The following OTOP1 variants were observed in gnomAD, a reference collection of about 807,000 sequenced individuals.
OTOP1 encodes otopetrin 1.
OTOP1 carries 59 observed loss-of-function variants against 52.9 expected under a neutral mutation model. The observed-to-expected ratio is 1.12, with a 90% CI of 0.91 to 1.39. The LOEUF (loss-of-function observed/expected upper bound fraction) is 1.39, where lower values mean the gene tolerates loss of function less well. Ranked by LOEUF, OTOP1 falls within the 40% of genes most tolerant of loss-of-function variation. The probability of loss-of-function intolerance (pLI) is 0.00; values close to 1 mark genes in which losing one functional copy is unlikely to be tolerated. For missense variants in OTOP1, 761 were observed against 800.9 expected, an observed-to-expected ratio of 0.95 and a Z score of 0.60; for synonymous variants, 317 against 337.7, an observed-to-expected ratio of 0.94 and a Z score of 0.67.
intron 5 of OTOP1, among the ~76,000 whole-genome samples, chr4:4,192,438 C>T (rs536981717): frequency 1.2e-4 from 19 of 152,324 alleles, no homozygotes; most frequent in East Asian, 7.7e-4. Flanking sequence ...CAATAAATCC[C>T]ATGAGACAAA....
intron 4 of OTOP1, among the ~76,000 whole-genome samples, chr4:4,199,656 G>T (rs62286876): frequency 6.6e-6 from 1 of 152,064 alleles, no homozygotes; most frequent in Non-Finnish European, 1.5e-5. Context: ...CATGAGATCC[G>T]CCTGCCTCCG....
At chr4:4,199,485 C>G (rs1716731597) in intron 4 of OTOP1, among the ~76,000 whole-genome samples, 3 of 152,162 alleles carry the variant, frequency 2.0e-5, no homozygotes, top group Middle Eastern at 3.4e-3. Flanking sequence ...AAAATCTTGG[C>G]TCACTGCAAC....
At chr4:4,205,893 C>T in intron 3 of OTOP1, among the ~76,000 whole-genome samples, 179 bp downstream of exon 3, 1 of 152,150 alleles carries the variant, frequency 6.6e-6, no homozygotes, top group East Asian at 1.9e-4. Context: ...TGGACCTGTC[C>T]CATGGAGAAG....
chr4:4,201,197 G>A (rs1716778240), intron 4 of OTOP1, among the ~76,000 whole-genome samples: 1 of 152,162 alleles, frequency 6.6e-6, no homozygotes, highest in Non-Finnish European at 1.5e-5. Context: ...GGGAGGCCAA[G>A]GCAGGTGGAT....
In OTOP1 at chr4:4,226,728, C is replaced by A; in HGVS notation, c.137G>T (p.Arg46Leu). 7.1e-7 allele frequency: 1 copy of A among 1,401,550 alleles called. No individual in the cohort carries two copies. The allele number at this position is 1,401,550 out of a possible 1,614,324, so 86.8% of individuals were successfully genotyped here. Reference protein sequence around the residue: ...PRSPESPAPRRGGVRASVPQK... With the variant: ...PRSPESPAPRLGGVRASVPQK... ...TGGGACGCTGGCGCGCACACCGCCC[C>A]GCCGGGGGGCCGGGGATTCCGGGGA... is the stretch of plus-strand genomic sequence containing the variant. The change falls in exon 1 of 6, where the codon CGG becomes CTG. Residue 46 changes from arginine (R) to leucine (L), a missense_variant. Transcript: ENST00000296358.
At chr4:4,201,511 C>CACAT (rs1473558036) in intron 4 of OTOP1, among the ~76,000 whole-genome samples, 2 of 147,256 alleles carry the variant, frequency 1.4e-5, no homozygotes, top group Admixed American at 6.7e-5. Context: ...TACACACACA[C>CACAT]ATATATAGCC....
Position 4,197,359 on chromosome 4 carries a change from C to A in OTOP1, c.1475G>T (p.Gly492Val), listed in dbSNP as rs751920267. The A allele has an allele frequency of 5.0e-6, 8 of 1,614,048 alleles. No individual in the cohort carries two copies. Among genetic ancestry groups the A allele is most frequent in the Admixed American group, 3.3e-5 (2 of 60,004 alleles). ...ATTGGCTGCTGGTGGCATGTCCTTG[C>A]CCTGGGGAGCCACATCTCTGGCCAC... is the stretch of plus-strand genomic sequence containing the variant. The part of the protein sequence containing the change: ...GGVARDVAPQ[G>V]KDMPPAANGN... Residue 492 changes from glycine to valine, a missense_variant, in exon 5 of 6, where the codon GGC (glycine) becomes GTC (valine). Physicochemically the swap from Gly to Val is moderately radical, Grantham distance 109 (BLOSUM62 -3). Coordinates refer to ENST00000296358, the MANE Select transcript of OTOP1 (RefSeq NM_177998.3).
At chr4:4,224,935 CCTAGTGTGTG>C (rs1717392557) in intron 1 of OTOP1, among the ~76,000 whole-genome samples, 1 of 152,164 alleles carries the variant, frequency 6.6e-6, no homozygotes, top group African/African-American at 2.4e-5. Flanking sequence ...GGAAAGGAGG[CCTAGTGTGTG>C]CTGGGCAGCC....
intron 1 of OTOP1, among the ~76,000 whole-genome samples, chr4:4,214,035 A>G (rs1405610307): frequency 2.0e-5 from 3 of 152,226 alleles, no homozygotes; most frequent in Non-Finnish European, 4.4e-5. Context: ...GGTTGCAGTG[A>G]GCTGAGATCA....
intron 1 of OTOP1, among the ~76,000 whole-genome samples, chr4:4,222,443 T>C (rs1031066214): frequency 6.6e-6 from 1 of 152,064 alleles, no homozygotes; most frequent in Admixed American, 6.6e-5. Context: ...CGCCACTCTT[T>C]CCAGTGGCCT....
At position 4,206,054 on chromosome 4, in the gene OTOP1, A is replaced by G. The variant is rs1215732918; in HGVS notation, c.599+18T>C. The G allele has an allele frequency of 1.3e-6, 2 of 1,584,882 alleles. No individual in the cohort carries two copies. The highest frequency in any genetic ancestry group is 1.7e-6 in the Non-Finnish European group (2 of 1,155,034). The stretch of plus-strand genomic sequence containing the variant: ...AATGCCAAATTCAACATATAAAGCA[A>G]TTACCCACAATTTTTACCTTTCCAG... On this transcript the variant is annotated intron_variant, in intron 3 of 5. Coordinates refer to ENST00000296358, the MANE Select transcript of OTOP1 (RefSeq NM_177998.3).
chr4:4,202,246 T>G (rs1716804014), intron 4 of OTOP1, among the ~76,000 whole-genome samples: 1 of 152,182 alleles, frequency 6.6e-6, no homozygotes, highest in Non-Finnish European at 1.5e-5. Context: ...AAGAAACCTT[T>G]AATTATGCTC....
chr4:4,216,620 C>A (rs1390143884), intron 1 of OTOP1, among the ~76,000 whole-genome samples: 1 of 152,166 alleles, frequency 6.6e-6, no homozygotes, highest in African/African-American at 2.4e-5. Context: ...ATTTTTTAAT[C>A]CTGGAAACAC....
chr4:4,213,101 A>C (rs1158906458), intron 1 of OTOP1, 97 bp from the exon 2 acceptor site: 1 of 1,421,534 alleles, frequency 7.0e-7, no homozygotes, highest in African/African-American at 1.4e-5. Flanking sequence ...TTAAACCCTT[A>C]TGTATATGGT....
chr4:4,192,350 A>C (rs369075449), intron 5 of OTOP1, among the ~76,000 whole-genome samples: 1 of 152,138 alleles, frequency 6.6e-6, no homozygotes, highest in Non-Finnish European at 1.5e-5. Context: ...GGCTTCACCA[A>C]CTTCACCTGA....
intron 5 of OTOP1, among the ~76,000 whole-genome samples, chr4:4,191,252 T>A (rs1268239386): frequency 6.6e-6 from 1 of 152,032 alleles, no homozygotes; most frequent in African/African-American, 2.4e-5. Context: ...TGGCTCTCTC[T>A]CTCCACCTGT....
intron 3 of OTOP1, among the ~76,000 whole-genome samples, chr4:4,203,604 G>C (rs1474943380): frequency 6.6e-6 from 1 of 152,204 alleles, no homozygotes; most frequent in Non-Finnish European, 1.5e-5. Context: ...GGGGAATGCG[G>C]TCCCCATAGG....
chr4:4,215,894 A>T (rs192157611), intron 1 of OTOP1, among the ~76,000 whole-genome samples: 1 of 152,174 alleles, frequency 6.6e-6, no homozygotes, highest in East Asian at 1.9e-4. Context: ...CCTGGGTTCA[A>T]GTGATTCTTG....
intron 5 of OTOP1, among the ~76,000 whole-genome samples, chr4:4,190,027 C>T (rs999403519): frequency 9.9e-5 from 15 of 152,184 alleles, no homozygotes; most frequent in Admixed American, 6.5e-5. Flanking sequence ...TTTTAAGTTG[C>T]TGAGTATTGG....
Sources: allele counts gnomAD v4.1 joint callset (sites outside exome capture counted in the v4.1 genomes callset), GRCh38; gene constraint gnomAD v4.1.1; transcripts MANE v1.5; gene names NCBI Gene and HGNC (gene_info 2026-07-23, HGNC 2026-07-21).